Variants in CNIH3 observed in about 807,000 individuals in gnomAD.
The protein encoded by CNIH3 is protein cornichon homolog 3.
CNIH3 carries 14 observed loss-of-function variants against 24.1 expected under a neutral mutation model. The ratio of observed to expected loss-of-function variants is 0.58; its 90% CI spans 0.38 to 0.91. The LOEUF (loss-of-function observed/expected upper bound fraction) is 0.91, where lower values mean the gene tolerates loss of function less well. Ranked by LOEUF, CNIH3 falls within the 40% of genes least tolerant of loss-of-function variation. CNIH3 has a pLI of 0.00. For synonymous variants in CNIH3, 68 were observed against 73.8 expected (o/e 0.92, Z 0.40); for missense variants, 178 against 196.8 (o/e 0.90, Z 0.57).
At chr1:224,732,669 C>T (rs1297935798) in intron 4 of CNIH3, among the ~76,000 whole-genome samples, 1 of 152,112 alleles carries the variant, frequency 6.6e-6, no homozygotes, top group Admixed American at 6.5e-5. Flanking sequence ...GGAGTTCGTC[C>T]CAAGGTCCTT....
intron 1 of CNIH3, among the ~76,000 whole-genome samples, chr1:224,506,958 G>A (rs1341295726): frequency 6.6e-6 from 1 of 152,030 alleles, no homozygotes; most frequent in Non-Finnish European, 1.5e-5. Context: ...AACTTCTTGG[G>A]GCTCAGGTGA....
At chr1:224,706,411 G>A (rs570288771) in intron 3 of CNIH3, among the ~76,000 whole-genome samples, 108 of 152,190 alleles carry the variant, frequency 7.1e-4, no homozygotes, top group African/African-American at 2.0e-3. Flanking sequence ...CCGGAGGGTC[G>A]CCTTTGATTG....
rs1257037888 is a variant in CNIH3, at chr1:224,616,668, G to C, written c.-507G>C. On this transcript the variant is annotated 5_prime_UTR_variant, in exon 1 of 6. Coordinates refer to ENST00000272133, the MANE Select transcript of CNIH3 (RefSeq NM_152495.2). The stretch of plus-strand genomic sequence containing the variant: ...GGGATTTGGGAGGAGCTCGGAGGCC[G>C]CTCGGGCACCTCGCTGGACACTATC... The C allele has an allele frequency of 3.0e-6, 3 of 988,218 alleles. No individual in the cohort carries two copies. The highest frequency in any genetic ancestry group is 4.7e-5 in the South Asian group (1 of 21,486). 61.2% of individuals were successfully genotyped at this position (988,218 alleles called of 1,614,324 possible).
chr1:224,474,737 G>C (rs568739923), intron 1 of CNIH3, among the ~76,000 whole-genome samples: 2 of 152,094 alleles, frequency 1.3e-5, no homozygotes, highest in Admixed American at 6.5e-5. Context: ...CCCAAATAAG[G>C]GAAATCGGAG....
chr1:224,565,409 G>T (rs1364533872), intron 3 of CNIH3: 1 of 152,244 alleles, frequency 6.6e-6, no homozygotes, highest in Non-Finnish European at 1.5e-5. Context: ...CAGGTCTGAG[G>T]CTGTTCATTG....
intron 3 of CNIH3, among the ~76,000 whole-genome samples, chr1:224,594,214 C>T (rs1407619745): frequency 1.3e-5 from 2 of 152,194 alleles, no homozygotes; most frequent in African/African-American, 4.8e-5. Context: ...CAAGTGACCC[C>T]TAGAGCCCAA....
chr1:224,532,326 C>T (rs940090535), intron 2 of CNIH3, among the ~76,000 whole-genome samples: 1 of 152,042 alleles, frequency 6.6e-6, no homozygotes, highest in African/African-American at 2.4e-5. Context: ...GCACAGAGGG[C>T]CTTGTGGGCT....
intron 1 of CNIH3, among the ~76,000 whole-genome samples, chr1:224,479,015 T>G (rs1336348102): frequency 6.6e-6 from 1 of 152,100 alleles, no homozygotes; most frequent in Non-Finnish European, 1.5e-5. Flanking sequence ...TCCTACAACA[T>G]GTGGGAATTC....
intron 1 of CNIH3, among the ~76,000 whole-genome samples, chr1:224,487,317 T>C (rs146845032): frequency 1.3e-5 from 2 of 152,308 alleles, no homozygotes; most frequent in Admixed American, 6.5e-5. Context: ...AGACTATTAG[T>C]GGACAGTTTG....
intron 1 of CNIH3, among the ~76,000 whole-genome samples, chr1:224,461,563 C>G (rs540350798): frequency 2.6e-5 from 4 of 152,322 alleles, no homozygotes; most frequent in African/African-American, 9.6e-5. Context: ...GTATATATCT[C>G]TTCCTCACAT....
Position 224,648,714 on chromosome 1 carries a change from A to G in CNIH3, c.81+31459A>G, listed in dbSNP as rs1220995433. 2.6e-5 allele frequency among the ~76,000 whole-genome samples: 4 copies of G among 152,194 alleles called. No individual in the cohort carries two copies. In the South Asian group the frequency reaches 8.3e-4, roughly 32 times the overall value. On this transcript the variant is annotated intron_variant, in intron 1 of 5. Coordinates refer to ENST00000272133, the MANE Select transcript of CNIH3 (RefSeq NM_152495.2). The stretch of plus-strand genomic sequence containing the variant: ...TGATGTTTCTGAAGATGGTGTAGAC[A>G]TAAGGAACAACCTGTAAGGCCTTAT...
intron 4 of CNIH3, among the ~76,000 whole-genome samples, chr1:224,572,437 A>G (rs1680857507): frequency 6.6e-6 from 1 of 151,514 alleles, no homozygotes; most frequent in African/African-American, 2.4e-5. Flanking sequence ...AATCGCTTGA[A>G]TCTGGGAGGT....
At chr1:224,499,812 C>T (rs1481416818) in intron 1 of CNIH3, among the ~76,000 whole-genome samples, 1 of 151,492 alleles carries the variant, frequency 6.6e-6, no homozygotes, top group Non-Finnish European at 1.5e-5. Flanking sequence ...ACCTGTAATC[C>T]CAGCACTTTG....
intron 3 of CNIH3, among the ~76,000 whole-genome samples, chr1:224,602,564 A>ACCCTC (rs1329670793): frequency 1.3e-5 from 2 of 152,200 alleles, no homozygotes; most frequent in Admixed American, 6.5e-5. Context: ...TTTTCCTTCA[A>ACCCTC]CCCTCATAAG....
chr1:224,509,650 T>C (rs2124889877), intron 1 of CNIH3, among the ~76,000 whole-genome samples: 1 of 152,334 alleles, frequency 6.6e-6, no homozygotes, highest in Middle Eastern at 3.4e-3. Flanking sequence ...CTGATCATGT[T>C]ACTCCCCAGG....
chr1:224,640,189 G>A (rs561408945), intron 1 of CNIH3, among the ~76,000 whole-genome samples: 37 of 151,998 alleles, frequency 2.4e-4, no homozygotes, highest in African/African-American at 4.8e-4. Flanking sequence ...ATTTCCTCTC[G>A]CTATTCATGT....
chr1:224,550,090 T>C (rs1466481505), intron 3 of CNIH3, among the ~76,000 whole-genome samples: 1 of 152,098 alleles, frequency 6.6e-6, no homozygotes, highest in Non-Finnish European at 1.5e-5. Flanking sequence ...GTGTGACAAC[T>C]GTAGATATTA....
At chr1:224,578,575 T>A (rs568529306) in intron 4 of CNIH3, among the ~76,000 whole-genome samples, 103 of 152,306 alleles carry the variant, frequency 6.8e-4, no homozygotes, top group African/African-American at 2.3e-3. Flanking sequence ...GTACTATTAT[T>A]TGGTGTAGGT....
chr1:224,739,130 A>T (rs1215152152), intron 5 of CNIH3, among the ~76,000 whole-genome samples, 199 bp from the exon 6 acceptor site: 1 of 151,960 alleles, frequency 6.6e-6, no homozygotes, highest in Non-Finnish European at 1.5e-5. Context: ...CTCCCAAAAA[A>T]TTTTTATTCC....
Sources: gnomAD v4.1 joint callset for allele counts (sites outside exome capture counted in the v4.1 genomes callset) on GRCh38, gnomAD v4.1.1 for gene constraint, MANE v1.5 for transcripts, NCBI Gene and HGNC (gene_info 2026-07-23, HGNC 2026-07-21) for gene names.